The following CLPS variants were observed in gnomAD, a reference collection of about 807,000 sequenced individuals.
CLPS encodes the protein colipase.
In CLPS, 8 loss-of-function variants were observed where a neutral mutation model predicts 9.3. The observed-to-expected ratio is 0.86, with a 90% CI of 0.51 to 1.56. The LOEUF (loss-of-function observed/expected upper bound fraction) is 1.56, where lower values mean the gene tolerates loss of function less well. CLPS is among the 40% of genes most tolerant of loss of function. The pLI is 0.00. For synonymous variants in CLPS, 61 were observed against 56.2 expected (o/e 1.09, Z -0.39); for missense variants, 144 against 145.7 (o/e 0.99, Z 0.06).
intron 1 of CLPS, 69 bp from the exon 2 acceptor site, chr6:35,795,922 A>AC: frequency 6.3e-7 from 1 of 1,585,762 alleles, no homozygotes; most frequent in Non-Finnish European, 8.6e-7. Context: ...ACCTGTACCC[A>AC]CCACACACTA....
At chr6:35,795,957 G>C in intron 1 of CLPS, 104 bp from the exon 2 acceptor site, 1 of 1,547,258 alleles carries the variant, frequency 6.5e-7, no homozygotes, top group Non-Finnish European at 8.8e-7. Flanking sequence ...TCCCCTGGTA[G>C]GGATGTGTGT....
rs777015087 is a variant in CLPS at position 35,797,220 on chromosome 6, C to G, written c.69G>C (p.Gly23=). The change falls in exon 1 of 3, where the codon GGG becomes GGC. Residue 23 remains glycine, a synonymous_variant. Coordinates refer to ENST00000259938, the MANE Select transcript of CLPS (RefSeq NM_001832.4). ...SVAYAAPGPR[G]IIINLENGEL... ...ACCCTCTTACCAGGTTGATAATGAT[C>G]CCCCGGGGGCCAGGAGCTGCATAGG... The G allele has an allele frequency of 1.9e-5, 31 of 1,613,760 alleles. No individual in the cohort carries two copies. Among genetic ancestry groups the G allele is most frequent in the Non-Finnish European group, 2.6e-5 (31 of 1,179,830 alleles).
rs1768357241 is a variant in CLPS, at chr6:35,795,954, G to A, written c.85-101C>T. 3.2e-6 allele frequency: 5 copies of A among 1,547,458 alleles called. No homozygotes were observed. In the South Asian group the frequency reaches 5.8e-5, roughly 18 times the overall value. On this transcript the variant is annotated intron_variant, in intron 1 of 2. Transcript: ENST00000259938. ...ACTACCACTAACAGTGTCTCCCCTG[G>A]TAGGGATGTGTGTGAAGGAGTCCAT... is the stretch of plus-strand genomic sequence containing the variant.
At chr6:35,795,948 C>A (rs1240867240) in intron 1 of CLPS, 95 bp from the exon 2 acceptor site, 3 of 1,555,664 alleles carry the variant, frequency 1.9e-6, no homozygotes, top group Non-Finnish European at 2.6e-6. Flanking sequence ...AACAGTGTCT[C>A]CCCTGGTAGG....
chr6:35,796,788 G>A (rs1465568022), intron 1 of CLPS: 1 of 454,034 alleles, frequency 2.2e-6, no homozygotes, highest in Non-Finnish European at 4.4e-6. Context: ...ACAAAAAATA[G>A]CTGAGCGTTA....
At chr6:35,797,181 C>A in intron 1 of CLPS, 24 bp downstream of exon 1, 1 of 1,599,894 alleles carries the variant, frequency 6.3e-7, no homozygotes, top group Non-Finnish European at 8.6e-7. Context: ...ACTCAGGAGG[C>A]GCCTCCCCTG....
chr6:35,796,293 G>A (rs1013950751), intron 1 of CLPS, among the ~76,000 whole-genome samples: 5 of 152,258 alleles, frequency 3.3e-5, no homozygotes, highest in Admixed American at 6.5e-5. Flanking sequence ...ATCTCCAAGG[G>A]TCCTGGACCT....
At chr6:35,796,919 C>A in intron 1 of CLPS, 1 of 458,442 alleles carries the variant, frequency 2.2e-6, no homozygotes. Flanking sequence ...GGTGACAGAG[C>A]AAGACTCCGT....
At position 35,796,811 on chromosome 6, in the gene CLPS, G is replaced by T. The variant is rs1321353969; in HGVS notation, c.84+394C>A. 1.5e-5 allele frequency: 7 copies of T among 456,160 alleles called. 1 individual carries two copies. The highest frequency in any genetic ancestry group is 9.5e-5 in the South Asian group (6 of 63,308). The allele number at this position is 456,160 out of a possible 1,614,324, so 28.3% of individuals were successfully genotyped here. On this transcript the variant is annotated intron_variant, in intron 1 of 2. Transcript: ENST00000259938. ...TAGCTGAGCGTTATGGCAGGCACCTGTAATCCCAGCTTCTTGGGAGGCTGA... is the reference window on the plus strand; with the variant it reads ...TAGCTGAGCGTTATGGCAGGCACCTTTAATCCCAGCTTCTTGGGAGGCTGA...
chr6:35,795,984 T>A, intron 1 of CLPS, 131 bp from the exon 2 acceptor site: 3 of 1,416,304 alleles, frequency 2.1e-6, no homozygotes, highest in Non-Finnish European at 2.9e-6. Context: ...GTCCATCCCC[T>A]GGGTCTGGTG....
chr6:35,795,162 C>T lies in CLPS; in HGVS notation c.323G>A (p.Gly108Glu), dbSNP rs1177205190. 1.2e-6 allele frequency: 2 copies of T among 1,614,018 alleles called. No individual in the cohort carries two copies. The highest frequency in any genetic ancestry group is 2.2e-5 in the South Asian group (2 of 91,052). The change falls in exon 3 of 3, where the codon GGA becomes GAA. Residue 108 changes from glycine to glutamate, a missense_variant. By Grantham distance (98) the Gly-to-Glu change is moderately conservative. Coordinates refer to ENST00000259938, the MANE Select transcript of CLPS (RefSeq NM_001832.4). ...TGGGCAGTCTCACTGCTTGGAGCGT[C>T]CAGCGTCATGGCAGATGCCAAAGTT... ...NTNFGICHDA[G>E]RSKQ
intron 1 of CLPS, among the ~76,000 whole-genome samples, chr6:35,796,405 G>A (rs1251142463): frequency 6.6e-6 from 1 of 152,286 alleles, no homozygotes; most frequent in Non-Finnish European, 1.5e-5. Flanking sequence ...TGGAGAGGTG[G>A]TGTGGGGCAG....
intron 1 of CLPS, 40 bp from the exon 2 acceptor site, chr6:35,795,893 A>G (rs1768354348): frequency 1.2e-6 from 2 of 1,608,826 alleles, no homozygotes; most frequent in South Asian, 1.1e-5. Context: ...CCACTCCCTC[A>G]GGTCCCTTCT....
rs182775439 is a variant in CLPS, at chr6:35,797,310, G to A, written c.-22C>T. 3,274 of 1,610,142 alleles carry A rather than the reference G, an allele frequency of 2.0e-3. No individual in the cohort carries two copies. The highest frequency in any genetic ancestry group is 2.6e-3 in the Non-Finnish European group (3,027 of 1,176,840). On this transcript the variant is annotated 5_prime_UTR_variant, in exon 1 of 3. Transcript: ENST00000259938. ...CCATGGTGAGTGGGACAGCTGGTGT[G>A]GGTGGCGGGAGACAGAGCCAGCTGT...
chr6:35,796,181 C>T (rs921927118), intron 1 of CLPS, among the ~76,000 whole-genome samples: 3 of 152,270 alleles, frequency 2.0e-5, no homozygotes, highest in Non-Finnish European at 4.4e-5. Flanking sequence ...GGCCCCTAGA[C>T]AAGTTCTCCA....
chr6:35,795,385 G>T (rs1768332392), intron 2 of CLPS, 108 bp from the exon 3 acceptor site: 1 of 1,486,548 alleles, frequency 6.7e-7, no homozygotes, highest in Admixed American at 2.0e-5. Flanking sequence ...TTTTCGGGGA[G>T]TGCCTCTCCC....
chr6:35,797,323 CAG>C (rs767326549), upstream of CLPS: 46 of 1,599,060 alleles, frequency 2.9e-5, no homozygotes, highest in Non-Finnish European at 2.9e-5. Flanking sequence ...TGGCGGGAGA[CAG>C]AGCCAGCTGT....
rs748386448 is a variant in CLPS at position 35,797,190 on chromosome 6, T to G, written c.84+15A>C. ...CTGGGGACTCAGGAGGCGCCTCCCC[T>G]GAAGACCCTCTTACCAGGTTGATAA... On this transcript the variant is annotated intron_variant, in intron 1 of 2. Coordinates refer to ENST00000259938, the MANE Select transcript of CLPS (RefSeq NM_001832.4). 2 of 1,611,828 alleles carry G rather than the reference T, an allele frequency of 1.2e-6. No homozygotes were observed. Among genetic ancestry groups the G allele is most frequent in the Non-Finnish European group, 1.7e-6 (2 of 1,178,106 alleles).
intron 1 of CLPS, among the ~76,000 whole-genome samples, chr6:35,796,306 A>G (rs1024373746): frequency 6.6e-6 from 1 of 152,268 alleles, no homozygotes; most frequent in African/African-American, 2.4e-5. Context: ...CTGGACCTCC[A>G]AGTCCAGCCA....
Sources: allele counts gnomAD v4.1 joint callset (sites outside exome capture counted in the v4.1 genomes callset), GRCh38; gene constraint gnomAD v4.1.1; transcripts MANE v1.5; gene names NCBI Gene and HGNC (gene_info 2026-07-23, HGNC 2026-07-21).